The following PCLO variants were observed in gnomAD, a reference collection of about 807,000 sequenced individuals.
PCLO encodes protein piccolo.
PCLO carries 82 observed loss-of-function variants against 427.5 expected under a neutral mutation model. The observed-to-expected ratio is 0.19, with a 90% CI of 0.16 to 0.23. PCLO has a LOEUF of 0.23. PCLO is among the 10% of genes least tolerant of loss of function. The pLI, the probability that PCLO is intolerant of heterozygous loss-of-function variation, is 1.00. For missense variants in PCLO, 6,239 were observed against 6,115.9 expected (o/e 1.02, Z -0.67); for synonymous variants, 2,357 against 2,155.4 (o/e 1.09, Z -2.59).
rs1352445512 is a variant in PCLO at position 83,162,880 on chromosome 7, G to A, written c.-288C>T. ...CGGCGCCCCGAGCCGGGGAGAAGCA[G>A]ATCTGAGCGGTGCCAGCCGGGCGCC... is the stretch of plus-strand genomic sequence containing the variant. On this transcript the variant is annotated 5_prime_UTR_variant, in exon 1 of 25. Coordinates refer to ENST00000333891, the MANE Select transcript of PCLO (RefSeq NM_033026.6). 2.2e-6 allele frequency: 1 copy of A among 460,844 alleles called. No individual in the cohort carries two copies. The highest frequency in any genetic ancestry group is 4.2e-5 in the Admixed American group (1 of 23,986). The allele number at this position is 460,844 out of a possible 1,614,324, so 28.5% of individuals were successfully genotyped here.
chr7:83,067,476 A>AT (rs1583979546), intron 3 of PCLO, among the ~76,000 whole-genome samples: 2 of 151,944 alleles, frequency 1.3e-5, no homozygotes, highest in South Asian at 2.1e-4. Context: ...TTTAGAAAGA[A>AT]TTTTTTCTTG....
intron 3 of PCLO, among the ~76,000 whole-genome samples, chr7:83,088,370 C>CT (rs1418648357): frequency 1.3e-5 from 2 of 152,214 alleles, no homozygotes; most frequent in African/African-American, 4.8e-5. Context: ...AACCCAAAGA[C>CT]TGGGTCTGCA....
intron 3 of PCLO, among the ~76,000 whole-genome samples, chr7:83,048,990 A>G (rs576869587): frequency 6.6e-6 from 1 of 152,162 alleles, no homozygotes; most frequent in South Asian, 2.1e-4. Context: ...TTATTAGAAC[A>G]GATTGCTTAG....
At chr7:82,772,222 T>A (rs533150319) in intron 22 of PCLO, among the ~76,000 whole-genome samples, 1 of 152,314 alleles carries the variant, frequency 6.6e-6, no homozygotes, top group South Asian at 2.1e-4. Context: ...AAGTAATTTA[T>A]CAGCTCTAAC....
At chr7:82,766,916 T>G (rs1790543176) in intron 22 of PCLO, among the ~76,000 whole-genome samples, 1 of 152,172 alleles carries the variant, frequency 6.6e-6, no homozygotes, top group African/African-American at 2.4e-5. Context: ...AGCTTGTTCT[T>G]TGCTACTAAA....
chr7:83,127,069 T>C (rs1791455578), intron 3 of PCLO, among the ~76,000 whole-genome samples: 1 of 152,108 alleles, frequency 6.6e-6, no homozygotes, highest in Admixed American at 6.5e-5. Context: ...ACAAACATTT[T>C]ACTACCGCTT....
intron 3 of PCLO, among the ~76,000 whole-genome samples, chr7:83,071,034 G>T (rs1482074498): frequency 1.3e-5 from 2 of 150,898 alleles, no homozygotes; most frequent in Non-Finnish European, 3.0e-5. Context: ...GATTTGAAAA[G>T]TTTTTATTGT....
chr7:82,779,925 C>T (rs1410703243), intron 22 of PCLO, among the ~76,000 whole-genome samples: 1 of 152,044 alleles, frequency 6.6e-6, no homozygotes, highest in African/African-American at 2.4e-5. Flanking sequence ...GGTTTTACAT[C>T]ACAGGGTTCT....
At chr7:82,822,342 G>T (rs1012703680) in intron 20 of PCLO, 153 bp downstream of exon 20, 1 of 1,479,612 alleles carries the variant, frequency 6.8e-7, no homozygotes, top group African/African-American at 1.4e-5. Context: ...GCATATTAAT[G>T]TATTTATATC....
At chr7:82,983,495 A>C (rs1796192980) in intron 3 of PCLO, among the ~76,000 whole-genome samples, 1 of 150,866 alleles carries the variant, frequency 6.6e-6, no homozygotes, top group Non-Finnish European at 1.5e-5. Flanking sequence ...AATTTGGGAA[A>C]AGGAATGTTA....
intron 3 of PCLO, among the ~76,000 whole-genome samples, chr7:83,043,280 A>G (rs1789017168): frequency 6.6e-6 from 1 of 152,174 alleles, no homozygotes; most frequent in African/African-American, 2.4e-5. Flanking sequence ...AACAAAAGAA[A>G]AAAAAGTGAA....
At position 83,162,616 on chromosome 7, in the gene PCLO, C is replaced by T. The variant is rs1361210504; in HGVS notation, c.-24G>A. Reference sequence around the variant, plus strand: ...ATGGCTCAGGGAGACTCGGGGCCGCCGCGCTCCCTCCTCGCGCCGCGTCCC... The same window carrying T: ...ATGGCTCAGGGAGACTCGGGGCCGCTGCGCTCCCTCCTCGCGCCGCGTCCC... On this transcript the variant is annotated 5_prime_UTR_variant, in exon 1 of 25. Transcript: ENST00000333891. 4.0e-6 allele frequency: 6 copies of T among 1,513,164 alleles called. No homozygotes were observed. In the East Asian group the frequency reaches 1.2e-4, roughly 31 times the overall value. 93.7% of individuals were successfully genotyped at this position (1,513,164 alleles called of 1,614,324 possible). A position where few individuals can be genotyped will look rare whatever the true frequency, so the allele number is the denominator to read the frequency against.
chr7:82,921,281 C>T (rs915302391), intron 6 of PCLO, among the ~76,000 whole-genome samples: 1 of 150,086 alleles, frequency 6.7e-6, no homozygotes, highest in Non-Finnish European at 1.5e-5. Context: ...CAATCCTAAG[C>T]AAAAACAAAC....
chr7:83,024,790 CCCTGACT>C (rs1357502712), intron 3 of PCLO, among the ~76,000 whole-genome samples: 1 of 152,172 alleles, frequency 6.6e-6, no homozygotes, highest in Admixed American at 6.5e-5. Context: ...TCAAGTGGGT[CCCTGACT>C]CCTGACCCCC....
intron 6 of PCLO, among the ~76,000 whole-genome samples, chr7:82,919,210 CA>C (rs1207804484): frequency 3.3e-5 from 5 of 151,812 alleles, no homozygotes; most frequent in African/African-American, 1.2e-4. Context: ...ACATTCTGCA[CA>C]TGTATCCCAG....
chr7:83,133,529 GAA>G (rs1426722766), intron 3 of PCLO, among the ~76,000 whole-genome samples: 1 of 151,866 alleles, frequency 6.6e-6, no homozygotes, highest in Non-Finnish European at 1.5e-5. Context: ...TTACATTGCA[GAA>G]AAAGTATTCT....
intron 3 of PCLO, among the ~76,000 whole-genome samples, chr7:82,979,266 A>C (rs1796094101): frequency 6.6e-6 from 1 of 152,166 alleles, no homozygotes; most frequent in Non-Finnish European, 1.5e-5. Flanking sequence ...CCATGGTAAA[A>C]ATTTGAAAAA....
intron 6 of PCLO, among the ~76,000 whole-genome samples, chr7:82,943,224 G>T (rs1429047736): frequency 6.6e-6 from 1 of 152,038 alleles, no homozygotes; most frequent in African/African-American, 2.4e-5. Context: ...ATAGGATCCT[G>T]GCTTAAACAC....
intron 3 of PCLO, among the ~76,000 whole-genome samples, chr7:82,989,262 C>A (rs1021406836): frequency 6.6e-6 from 1 of 151,968 alleles, no homozygotes; most frequent in Non-Finnish European, 1.5e-5. Context: ...TCATTTAGGG[C>A]AAAAGCAATC....
Sources: gnomAD v4.1 joint callset for allele counts (sites outside exome capture counted in the v4.1 genomes callset) on GRCh38, gnomAD v4.1.1 for gene constraint, MANE v1.5 for transcripts, NCBI Gene and HGNC (gene_info 2026-07-23, HGNC 2026-07-21) for gene names.